Variants in MROH2B observed in about 807,000 individuals in gnomAD.
MROH2B encodes the protein maestro heat like repeat family member 2B.
In MROH2B, 177 loss-of-function variants were observed where a neutral mutation model predicts 208.6. The ratio of observed to expected loss-of-function variants is 0.85; its 90% CI spans 0.75 to 0.96. The LOEUF (loss-of-function observed/expected upper bound fraction) is 0.96, where lower values mean the gene tolerates loss of function less well. MROH2B is among the 40% of genes least tolerant of loss of function. The probability of loss-of-function intolerance (pLI) is 0.00; values close to 1 mark genes in which losing one functional copy is unlikely to be tolerated. For missense variants in MROH2B, 2,002 were observed against 1,878.7 expected, an observed-to-expected ratio of 1.07 and a Z score of -1.21; for synonymous variants, 728 against 659.0, an observed-to-expected ratio of 1.10 and a Z score of -1.60.
Position 41,070,805 on chromosome 5 carries a change from C to T in MROH2B, c.28+20G>A. On this transcript the variant is annotated intron_variant, in intron 1 of 41. Coordinates refer to ENST00000399564, the MANE Select transcript of MROH2B (RefSeq NM_173489.5). ...AACACAGGGAAGAGCCTTGGCTTCT[C>T]AGGATCTGATGATGCTTACCTATGG... 2 of 1,608,376 alleles carry T rather than the reference C, an allele frequency of 1.2e-6. No homozygotes were observed. The highest frequency in any genetic ancestry group is 1.7e-6 in the Non-Finnish European group (2 of 1,177,098).
intron 5 of MROH2B, 88 bp downstream of exon 5, chr5:41,064,384 G>A: frequency 9.1e-7 from 1 of 1,104,286 alleles, no homozygotes; most frequent in Non-Finnish European, 1.3e-6. Context: ...CAAGATTGGA[G>A]TTAAAGGGAA....
intron 3 of MROH2B, among the ~76,000 whole-genome samples, chr5:41,066,548 T>C (rs1743820687): frequency 6.6e-6 from 1 of 152,170 alleles, no homozygotes; most frequent in South Asian, 2.1e-4. Context: ...AAAAGTTAAA[T>C]TGGTACTCTC....
chr5:41,015,348 C>G, intron 29 of MROH2B, 33 bp downstream of exon 29: 1 of 1,573,424 alleles, frequency 6.4e-7, no homozygotes, highest in Non-Finnish European at 8.7e-7. Context: ...AATCCAGAAT[C>G]TTTACATCCC....
intron 12 of MROH2B, among the ~76,000 whole-genome samples, chr5:41,051,953 G>T (rs1743297674): frequency 1.3e-5 from 2 of 152,090 alleles, no homozygotes; most frequent in Admixed American, 6.6e-5. Flanking sequence ...ACTTATTTAT[G>T]ATTTCAGAAG....
chr5:41,013,127 A>T (rs1460830734), intron 29 of MROH2B, among the ~76,000 whole-genome samples: 3 of 152,202 alleles, frequency 2.0e-5, no homozygotes, highest in Non-Finnish European at 1.5e-5. Flanking sequence ...CTGCCACATA[A>T]TACCTAAACC....
Position 41,018,722 on chromosome 5 carries a change from A to C in MROH2B, c.2642T>G (p.Val881Gly), listed in dbSNP as rs1199585261. The C allele has an allele frequency of 6.2e-7, 1 of 1,613,806 alleles. No individual in the cohort carries two copies. Among genetic ancestry groups the C allele is most frequent in the Non-Finnish European group, 8.5e-7 (1 of 1,179,868 alleles). ...CATTTCTTGACAGTCCTCTGCATTC[A>C]CATTATCCCACATCATGGTCTTCAG... The part of the protein sequence containing the change: ...KLLKTMMWDN[V>G]NAEDCQEMFN... The change falls in exon 26 of 42, where the codon GTG becomes GGG. Residue 881 changes from valine to glycine, a missense_variant. Transcript: ENST00000399564.
chr5:41,057,435 TTG>T, intron 7 of MROH2B, 75 bp from the exon 8 acceptor site: 2 of 1,160,064 alleles, frequency 1.7e-6, no homozygotes, highest in Non-Finnish European at 2.5e-6. Flanking sequence ...AGGCAAATAA[TTG>T]TGTTTTGAGA....
rs763120851 is a variant in MROH2B, at chr5:41,065,496, G to A, written c.202-6C>T. On this transcript the variant is annotated splice_polypyrimidine_tract_variant and splice_region_variant and intron_variant, in intron 3 of 41. Transcript: ENST00000399564. ...ATTCTGATTTCTCTGAGCATCTGAG[G>A]AGGAAAAGAAAAATAACAATAACAA... is the stretch of plus-strand genomic sequence containing the variant. The A allele has an allele frequency of 1.1e-5, 17 of 1,611,122 alleles. No individual in the cohort carries two copies. The highest frequency in any genetic ancestry group is 1.6e-4 in the Middle Eastern group (1 of 6,072).
chr5:41,015,838 A>G (rs955802607), intron 28 of MROH2B, among the ~76,000 whole-genome samples: 3 of 152,160 alleles, frequency 2.0e-5, no homozygotes, highest in Admixed American at 1.3e-4. Flanking sequence ...CCAGGTTCCA[A>G]CTACTCTGCT....
intron 19 of MROH2B, among the ~76,000 whole-genome samples, chr5:41,041,202 A>G (rs1206582518): frequency 6.6e-6 from 1 of 152,226 alleles, no homozygotes; most frequent in Non-Finnish European, 1.5e-5. Flanking sequence ...TGGCCATTTA[A>G]TGTGTGAGAA....
Position 41,045,743 on chromosome 5 carries a change from A to T in MROH2B, c.1836+3T>A, listed in dbSNP as rs544889472. 1.2e-6 allele frequency: 2 copies of T among 1,612,668 alleles called. No homozygotes were observed. Among genetic ancestry groups the T allele is most frequent in the Non-Finnish European group, 1.7e-6 (2 of 1,179,008 alleles). ...AAGGTTTCCCCTCAGCTGAAAAACC[A>T]ACCTTCTCAGTGGAGTTATTGCTGT... On this transcript the variant is annotated splice_donor_region_variant and intron_variant, in intron 18 of 41. Transcript: ENST00000399564.
At position 41,026,373 on chromosome 5, in the gene MROH2B, G is replaced by A. The variant is rs571689423; in HGVS notation, c.2441+6369C>T. ...CAAAATCAATGTGCAAAAATCACAA[G>A]CATTCTTATACACCAATAACAGACA... On this transcript the variant is annotated intron_variant, in intron 24 of 41. Coordinates refer to ENST00000399564, the MANE Select transcript of MROH2B (RefSeq NM_173489.5). Among the ~76,000 whole-genome samples, 3 of 152,232 alleles carry A rather than the reference G, an allele frequency of 2.0e-5. No homozygotes were observed. The South Asian group carries it at 6.2e-4, about 32-fold the overall frequency.
intron 27 of MROH2B, 91 bp downstream of exon 27, chr5:41,018,250 T>A (rs892646277): frequency 7.7e-7 from 1 of 1,292,760 alleles, no homozygotes; most frequent in South Asian, 1.4e-5. Context: ...AGATGCACGA[T>A]CCATCATGCA....
chr5:41,069,710 T>G lies in MROH2B; in HGVS notation c.71A>C (p.Lys24Thr), dbSNP rs1438413316. The G allele has an allele frequency of 6.2e-7, 1 of 1,606,858 alleles. No homozygotes were observed. The highest frequency in any genetic ancestry group is 1.7e-5 in the Admixed American group (1 of 59,298). Residue 24 changes from lysine to threonine, a missense_variant, in exon 2 of 42, where the codon AAG becomes ACG. By Grantham distance (78) the Lys-to-Thr change is moderately conservative. Transcript: ENST00000399564. Reference protein sequence around the residue: ...DINLTLGMLNKEDIVNKEDIY... With the variant: ...DINLTLGMLNTEDIVNKEDIY... Reference sequence around the variant, plus strand: ...CCCTACCTTGTTAACAATATCTTCCTTGTTCAGCATGCCAAGAGTGAGGTT... The same window carrying G: ...CCCTACCTTGTTAACAATATCTTCCGTGTTCAGCATGCCAAGAGTGAGGTT...
intron 24 of MROH2B, among the ~76,000 whole-genome samples, chr5:41,027,174 A>C (rs1187091547): frequency 1.3e-5 from 2 of 152,290 alleles, no homozygotes; most frequent in African/African-American, 4.8e-5. Context: ...CAACAAAAGC[A>C]AAAATTGACA....
At chr5:41,067,332 G>T in intron 2 of MROH2B, 114 bp from the exon 3 acceptor site, 2 of 617,746 alleles carry the variant, frequency 3.2e-6, no homozygotes, top group South Asian at 1.9e-5. Flanking sequence ...CTACACAATG[G>T]ATTTCATATT....
chr5:41,036,985 C>A (rs1020694622), intron 21 of MROH2B, among the ~76,000 whole-genome samples: 1 of 152,116 alleles, frequency 6.6e-6, no homozygotes, highest in Non-Finnish European at 1.5e-5. Context: ...TAACTGTACC[C>A]TGAAAGTGTA....
At chr5:41,056,776 A>G (rs76783879) in intron 9 of MROH2B, among the ~76,000 whole-genome samples, 1 of 139,146 alleles carries the variant, frequency 7.2e-6, no homozygotes, top group African/African-American at 3.1e-5. Flanking sequence ...TCAAATACCA[A>G]AAAAAAAAAA....
chr5:41,069,826 C>G, intron 1 of MROH2B, 74 bp from the exon 2 acceptor site: 1 of 1,113,648 alleles, frequency 9.0e-7, no homozygotes, highest in Non-Finnish European at 1.3e-6. Flanking sequence ...GTAATCAACA[C>G]AGAAAGTTCA....
Sources: allele counts gnomAD v4.1 joint callset (sites outside exome capture counted in the v4.1 genomes callset), GRCh38; gene constraint gnomAD v4.1.1; transcripts MANE v1.5; gene names NCBI Gene and HGNC (gene_info 2026-07-23, HGNC 2026-07-21).